SCLT1: variants seen among roughly 807,000 people sequenced by gnomAD.
SCLT1 encodes the protein sodium channel and clathrin linker 1.
SCLT1 carries 78 observed loss-of-function variants against 112.8 expected under a neutral mutation model. The ratio of observed to expected loss-of-function variants is 0.69; its 90% CI spans 0.58 to 0.83. The LOEUF is 0.83. Ranked by LOEUF, SCLT1 falls within the 40% of genes least tolerant of loss-of-function variation. The pLI is 0.00. For synonymous variants in SCLT1, 257 were observed against 254.7 expected (o/e 1.01, Z -0.09); for missense variants, 747 against 770.4 (o/e 0.97, Z 0.36).
intron 18 of SCLT1, among the ~76,000 whole-genome samples, chr4:128,904,541 T>C (rs576629808): frequency 6.6e-6 from 1 of 152,248 alleles, no homozygotes; most frequent in South Asian, 2.1e-4. Context: ...AGCCCTTCCC[T>C]CTCTTCTCCT....
At chr4:128,930,094 T>C (rs972224309) in intron 18 of SCLT1, among the ~76,000 whole-genome samples, 3 of 152,176 alleles carry the variant, frequency 2.0e-5, no homozygotes, top group Non-Finnish European at 4.4e-5. Flanking sequence ...TTACTGTTAA[T>C]GTGGTCTGGA....
intron 12 of SCLT1, 53 bp from the exon 13 acceptor site, chr4:128,957,177 A>C (rs1199278396): frequency 8.9e-7 from 1 of 1,123,400 alleles, no homozygotes; most frequent in Non-Finnish European, 1.3e-6. Context: ...TAGTAAAGAT[A>C]ATAACAGGTG....
intron 18 of SCLT1, among the ~76,000 whole-genome samples, chr4:128,931,693 A>T (rs963162831): frequency 1.3e-5 from 2 of 152,036 alleles, no homozygotes; most frequent in African/African-American, 4.8e-5. Flanking sequence ...CGATCTCTTG[A>T]CCTCGTGATC....
intron 5 of SCLT1, among the ~76,000 whole-genome samples, chr4:129,034,892 A>T (rs372789563): frequency 9.9e-5 from 15 of 152,250 alleles, no homozygotes; most frequent in Admixed American, 3.9e-4. Context: ...GCCAGATTTG[A>T]CCCACAAGCT....
rs761315097 is a variant in SCLT1, at chr4:128,999,764, T to C, written c.457A>G (p.Thr153Ala). ...AGTCTGTCCAACTCCTGAGAAACAG[T>C]CTGCCAGAGTTCCACAGCCTGAGTT... ...EKTQAVELWQTVSQELDRLHK... is the reference protein window; with the variant it reads ...EKTQAVELWQAVSQELDRLHK... Residue 153 changes from threonine (T) to alanine (A), a missense_variant, in exon 7 of 21, where the codon ACT becomes GCT. Thr to Ala is a moderately conservative substitution (Grantham distance 58). Transcript: ENST00000281142. 3.7e-6 allele frequency: 6 copies of C among 1,601,818 alleles called. No homozygotes were observed. Among genetic ancestry groups the C allele is most frequent in the Non-Finnish European group, 3.4e-6 (4 of 1,172,878 alleles).
chr4:128,889,847 C>G (rs1235057093), intron 19 of SCLT1, among the ~76,000 whole-genome samples: 1 of 152,152 alleles, frequency 6.6e-6, no homozygotes, highest in Non-Finnish European at 1.5e-5. Context: ...TAGAAAAACA[C>G]ATTTTCTATG....
chr4:128,897,908 G>C (rs1733918206), intron 18 of SCLT1, among the ~76,000 whole-genome samples: 2 of 152,064 alleles, frequency 1.3e-5, no homozygotes, highest in African/African-American at 4.8e-5. Flanking sequence ...AAACAACAAA[G>C]ATCAAAAGAG....
chr4:128,952,512 C>G, intron 14 of SCLT1: 1 of 551,856 alleles, frequency 1.8e-6, no homozygotes, highest in South Asian at 1.7e-5. Flanking sequence ...CTACAGCTAG[C>G]AATAGCATCC....
intron 18 of SCLT1, among the ~76,000 whole-genome samples, chr4:128,927,855 A>G (rs1193991202): frequency 6.6e-6 from 1 of 152,060 alleles, no homozygotes. Flanking sequence ...AAAACAACTG[A>G]GAAACTCTGA....
chr4:129,013,462 G>A (rs1303971621), intron 5 of SCLT1, among the ~76,000 whole-genome samples: 1 of 152,156 alleles, frequency 6.6e-6, no homozygotes, highest in Non-Finnish European at 1.5e-5. Flanking sequence ...TTTCCTTTCT[G>A]TATTTAGTGC....
rs74571649 is a variant in SCLT1 at position 129,078,760 on chromosome 4, C to G, written c.102+3546G>C. Among the ~76,000 whole-genome samples the G allele has an allele frequency of 3.9e-5, 6 of 152,170 alleles. No individual in the cohort carries two copies. The South Asian group carries it at 8.3e-4, about 21-fold the overall frequency. On this transcript the variant is annotated intron_variant, in intron 2 of 20. Coordinates refer to ENST00000281142, the MANE Select transcript of SCLT1 (RefSeq NM_144643.4). ...AAAAACAAGCTCTTCACTTTTAATACCTTGAAAATAATTTTAGTTCTGCAT... is the reference window on the plus strand; with the variant it reads ...AAAAACAAGCTCTTCACTTTTAATAGCTTGAAAATAATTTTAGTTCTGCAT...
intron 2 of SCLT1, among the ~76,000 whole-genome samples, chr4:129,080,782 T>G (rs1018350927): frequency 2.3e-4 from 35 of 152,172 alleles, no homozygotes; most frequent in African/African-American, 7.7e-4. Flanking sequence ...ATTTTCTATA[T>G]CAGTCCATTC....
chr4:128,900,811 G>A (rs534231705), intron 18 of SCLT1, among the ~76,000 whole-genome samples: 55 of 152,176 alleles, frequency 3.6e-4, no homozygotes, highest in South Asian at 1.9e-3. Flanking sequence ...AATCTACAAT[G>A]AACTCAAACA....
chr4:128,973,400 G>A (rs888970069), intron 9 of SCLT1, among the ~76,000 whole-genome samples: 11 of 141,834 alleles, frequency 7.8e-5, no homozygotes, highest in Non-Finnish European at 1.4e-4. Context: ...AATCATAAAT[G>A]AATGAGAGGG....
intron 2 of SCLT1, among the ~76,000 whole-genome samples, chr4:129,063,366 T>C (rs1750165198): frequency 6.6e-6 from 1 of 152,240 alleles, no homozygotes; most frequent in Admixed American, 6.5e-5. Context: ...CTTCAGCCAT[T>C]ACCGTTTAGG....
intron 19 of SCLT1, among the ~76,000 whole-genome samples, chr4:128,889,052 A>G (rs558376216): frequency 6.6e-6 from 1 of 152,352 alleles, no homozygotes; most frequent in African/African-American, 2.4e-5. Flanking sequence ...CAATTTGTGA[A>G]GGTCACTGCT....
chr4:128,900,978 C>T (rs1472555693), intron 18 of SCLT1, among the ~76,000 whole-genome samples: 1 of 151,942 alleles, frequency 6.6e-6, no homozygotes, highest in East Asian at 1.9e-4. Flanking sequence ...AATGAGATAC[C>T]ATCTCACACC....
chr4:128,959,463 G>C, intron 12 of SCLT1, 137 bp downstream of exon 12: 2 of 645,450 alleles, frequency 3.1e-6, no homozygotes, highest in South Asian at 3.7e-5. Context: ...CCAAGAATAT[G>C]GATGATTACT....
chr4:129,017,219 T>C (rs1745071064), intron 5 of SCLT1, among the ~76,000 whole-genome samples: 1 of 152,122 alleles, frequency 6.6e-6, no homozygotes, highest in African/African-American at 2.4e-5. Flanking sequence ...TATGTGTGTA[T>C]GTGGTAGGGA....
Sources: gnomAD v4.1 joint callset for allele counts (sites outside exome capture counted in the v4.1 genomes callset) on GRCh38, gnomAD v4.1.1 for gene constraint, MANE v1.5 for transcripts, NCBI Gene and HGNC (gene_info 2026-07-23, HGNC 2026-07-21) for gene names.